The following TRIM36 variants were observed in gnomAD, a reference collection of about 807,000 sequenced individuals.
TRIM36 encodes E3 ubiquitin-protein ligase TRIM36.
In TRIM36, 42 loss-of-function variants were observed where a neutral mutation model predicts 72.4. The observed-to-expected ratio is 0.58, with a 90% CI of 0.45 to 0.75. The LOEUF (loss-of-function observed/expected upper bound fraction) is 0.75, where lower values mean the gene tolerates loss of function less well. TRIM36 is among the 30% of genes least tolerant of loss of function. TRIM36 has a pLI of 0.00. For missense variants in TRIM36, 913 were observed against 857.1 expected, an observed-to-expected ratio of 1.07 and a Z score of -0.81; for synonymous variants, 315 against 282.8, an observed-to-expected ratio of 1.11 and a Z score of -1.14.
intron 4 of TRIM36, 89 bp downstream of exon 4, chr5:115,144,509 A>G (rs1753468821): frequency 2.0e-6 from 3 of 1,512,940 alleles, no homozygotes; most frequent in African/African-American, 2.8e-5. Flanking sequence ...AAGAGACCAT[A>G]TAACACACCA....
chr5:115,153,091 T>C (rs1222300412), intron 2 of TRIM36, among the ~76,000 whole-genome samples: 1 of 152,086 alleles, frequency 6.6e-6, no homozygotes, highest in Non-Finnish European at 1.5e-5. Context: ...AGACAAAGAA[T>C]TGCAGAATAA....
At chr5:115,141,171 C>A in intron 5 of TRIM36, 108 bp downstream of exon 5, 1 of 777,276 alleles carries the variant, frequency 1.3e-6, no homozygotes. Flanking sequence ...TCTAACACAA[C>A]TTTGTATTCC....
At chr5:115,144,914 G>T (rs984176295) in intron 3 of TRIM36, among the ~76,000 whole-genome samples, 170 bp from the exon 4 acceptor site, 2 of 152,070 alleles carry the variant, frequency 1.3e-5, no homozygotes, top group African/African-American at 4.8e-5. Flanking sequence ...CTCTATATCG[G>T]AATTACTATT....
intron 1 of TRIM36, 31 bp downstream of exon 1, chr5:115,169,577 A>G (rs1022718919): frequency 1.5e-5 from 22 of 1,503,846 alleles, no homozygotes; most frequent in Non-Finnish European, 2.0e-5. Flanking sequence ...ACCGCCCTCG[A>G]GGTGGGGGCG....
intron 8 of TRIM36, 61 bp from the exon 9 acceptor site, chr5:115,130,950 C>T: frequency 6.6e-7 from 1 of 1,513,530 alleles, no homozygotes; most frequent in South Asian, 1.3e-5. Flanking sequence ...TTTGTTAAAT[C>T]TGATAGGTTT....
chr5:115,162,358 G>A (rs1754529520), intron 2 of TRIM36, among the ~76,000 whole-genome samples: 1 of 152,160 alleles, frequency 6.6e-6, no homozygotes, highest in African/African-American at 2.4e-5. Context: ...CTGAATATAA[G>A]CCATTGTGGC....
intron 9 of TRIM36, among the ~76,000 whole-genome samples, chr5:115,128,510 TGGGAGGCTGAG>T (rs1431573844): frequency 6.6e-6 from 1 of 150,738 alleles, no homozygotes; most frequent in Non-Finnish European, 1.5e-5. Flanking sequence ...CCCAGCACTT[TGGGAGGCTGAG>T]GCGGGTGGAT....
intron 1 of TRIM36, among the ~76,000 whole-genome samples, chr5:115,168,629 C>T (rs1218785916): frequency 6.6e-6 from 1 of 152,222 alleles, no homozygotes; most frequent in African/African-American, 2.4e-5. Flanking sequence ...TCGATGCAGT[C>T]TCTTGCTGCA....
intron 4 of TRIM36, among the ~76,000 whole-genome samples, chr5:115,142,119 A>C (rs1426579020): frequency 6.6e-6 from 1 of 152,186 alleles, no homozygotes; most frequent in African/African-American, 2.4e-5. Context: ...TCTAAATAAG[A>C]ATAAGAACAT....
intron 1 of TRIM36, among the ~76,000 whole-genome samples, chr5:115,176,898 T>G (rs1755364011): frequency 6.6e-6 from 1 of 152,228 alleles, no homozygotes; most frequent in South Asian, 2.1e-4. Flanking sequence ...TTTTTAAGCC[T>G]CTTGAGAATG....
At chr5:115,138,983 A>AT (rs919067139) in intron 5 of TRIM36, among the ~76,000 whole-genome samples, 10 of 143,020 alleles carry the variant, frequency 7.0e-5, no homozygotes, top group African/African-American at 1.8e-4. Context: ...ACCCTACTAA[A>AT]TTTTTTTTTG....
Position 115,134,006 on chromosome 5 carries a change from C to G in TRIM36, c.1352G>C (p.Trp451Ser). The change falls in exon 8 of 10, where the codon TGG becomes TCG. Residue 451 changes from tryptophan to serine, a missense_variant. Transcript: ENST00000513154. ...RKINRDDEMS[W>S]NEIEVCGTSK... Reference sequence around the variant, plus strand: ...TGTTCCACACACTTCTATCTCATTCCATGACATTTCATCATCTCTATTGAT... The same window carrying G: ...TGTTCCACACACTTCTATCTCATTCGATGACATTTCATCATCTCTATTGAT... 6.2e-7 allele frequency: 1 copy of G among 1,613,926 alleles called. No individual in the cohort carries two copies. The highest frequency in any genetic ancestry group is 8.5e-7 in the Non-Finnish European group (1 of 1,179,938).
chr5:115,169,924 C>G, upstream of TRIM36: 4 of 1,274,588 alleles, frequency 3.1e-6, no homozygotes, highest in Non-Finnish European at 4.0e-6. Context: ...GGAACGGCGC[C>G]GCGCAGAGAC....
chr5:115,148,291 T>A, intron 2 of TRIM36: 1 of 962,314 alleles, frequency 1.0e-6, no homozygotes, highest in Non-Finnish European at 1.2e-6. Flanking sequence ...TTCAGTATTA[T>A]CCCAATTTTA....
At chr5:115,130,499 A>G (rs542149099) in intron 9 of TRIM36, 93 bp downstream of exon 9, 2 of 1,399,926 alleles carry the variant, frequency 1.4e-6, no homozygotes, top group Non-Finnish European at 1.9e-6. Context: ...TCTAAGAAAT[A>G]AGAAATGTAT....
At chr5:115,170,041 G>A (rs1257367379), upstream of TRIM36, 49 of 949,492 alleles carry the variant, frequency 5.2e-5, no homozygotes, top group Non-Finnish European at 5.7e-5. Context: ...GGTAGGCCGG[G>A]TGTCTGAGTG....
At chr5:115,133,827 C>T (rs770836442) in intron 8 of TRIM36, 33 bp downstream of exon 8, 8 of 1,540,052 alleles carry the variant, frequency 5.2e-6, no homozygotes, top group Non-Finnish European at 7.0e-6. Flanking sequence ...GCAACTAACT[C>T]TATGCTTTTT....
chr5:115,152,428 A>G (rs1580680415), intron 2 of TRIM36, among the ~76,000 whole-genome samples: 1 of 152,352 alleles, frequency 6.6e-6, no homozygotes, highest in Middle Eastern at 3.4e-3. Context: ...AGAGAAATCT[A>G]AAAGTTTGGA....
At chr5:115,148,412 GTTCTTT>G in intron 2 of TRIM36, 1 of 633,870 alleles carries the variant, frequency 1.6e-6, no homozygotes, top group South Asian at 7.9e-5. Flanking sequence ...TTGTAAATCT[GTTCTTT>G]TTTTTTTTTT....
Sources: gnomAD v4.1 joint callset for allele counts (sites outside exome capture counted in the v4.1 genomes callset) on GRCh38, gnomAD v4.1.1 for gene constraint, MANE v1.5 for transcripts, NCBI Gene and HGNC (gene_info 2026-07-23, HGNC 2026-07-21) for gene names.